CDH10: variants seen among roughly 807,000 people sequenced by gnomAD.
CDH10 encodes cadherin-10.
CDH10 carries 30 observed loss-of-function variants against 73.1 expected under a neutral mutation model. The observed-to-expected ratio is 0.41, with a 90% CI of 0.31 to 0.56. The LOEUF (loss-of-function observed/expected upper bound fraction) is 0.56. CDH10 is among the 20% of genes least tolerant of loss of function. The pLI, the probability that CDH10 is intolerant of heterozygous loss-of-function variation, is 0.27. For missense variants in CDH10, 815 were observed against 973.7 expected, an observed-to-expected ratio of 0.84 and a Z score of 2.17; for synonymous variants, 345 against 348.2, an observed-to-expected ratio of 0.99 and a Z score of 0.10.
chr5:24,495,691 C>A (rs1484516794), intron 9 of CDH10, among the ~76,000 whole-genome samples: 5 of 151,602 alleles, frequency 3.3e-5, no homozygotes, highest in African/African-American at 1.2e-4. Flanking sequence ...TACTAAAATA[C>A]AAAAAATCAG....
At chr5:24,505,428 A>C (rs767303318) in intron 7 of CDH10, among the ~76,000 whole-genome samples, 180 bp from the exon 8 acceptor site, 1 of 152,222 alleles carries the variant, frequency 6.6e-6, no homozygotes, top group Non-Finnish European at 1.5e-5. Context: ...TCCTCAAGGC[A>C]TAAATTGGTA....
chr5:24,582,653 G>T (rs1231689498), intron 2 of CDH10, among the ~76,000 whole-genome samples: 1 of 151,962 alleles, frequency 6.6e-6, no homozygotes, highest in Non-Finnish European at 1.5e-5. Flanking sequence ...AAACATAAAG[G>T]TCAATTAATA....
chr5:24,626,382 C>A (rs1261979868), intron 1 of CDH10, among the ~76,000 whole-genome samples: 1 of 151,900 alleles, frequency 6.6e-6, no homozygotes, highest in Non-Finnish European at 1.5e-5. Context: ...TTATCTGTTC[C>A]TTTTTCAGAG....
intron 1 of CDH10, among the ~76,000 whole-genome samples, chr5:24,611,500 A>G (rs1746949364): frequency 6.6e-6 from 1 of 152,216 alleles, no homozygotes; most frequent in Non-Finnish European, 1.5e-5. Flanking sequence ...TAGACTGTTC[A>G]TAACTTGTAA....
intron 2 of CDH10, among the ~76,000 whole-genome samples, chr5:24,584,464 T>TTTTTTTATTG (rs753863495): frequency 1.8e-5 from 1 of 55,446 alleles, no homozygotes. Flanking sequence ...TTTTTTTTTT[T>TTTTTTTATTG]TGTGTGTGTG....
At chr5:24,537,703 T>C (rs1744010104) in intron 2 of CDH10, 29 bp from the exon 3 acceptor site, 1 of 1,413,744 alleles carries the variant, frequency 7.1e-7, no homozygotes, top group Non-Finnish European at 9.8e-7. Context: ...AGTATATCCA[T>C]GATCATGTAT....
At chr5:24,545,000 T>A (rs981287625) in intron 2 of CDH10, among the ~76,000 whole-genome samples, 6 of 152,206 alleles carry the variant, frequency 3.9e-5, no homozygotes, top group African/African-American at 1.4e-4. Flanking sequence ...GTCAACAATT[T>A]AAGTACTTAA....
chr5:24,512,896 T>G (rs543735652), intron 5 of CDH10, among the ~76,000 whole-genome samples: 162 of 116,190 alleles, frequency 1.4e-3, no homozygotes, highest in African/African-American at 4.8e-3. Context: ...CATTTTGCAT[T>G]TAGTCACTTC....
At chr5:24,583,613 AAT>A (rs1218253875) in intron 2 of CDH10, among the ~76,000 whole-genome samples, 1 of 152,180 alleles carries the variant, frequency 6.6e-6, no homozygotes, top group Non-Finnish European at 1.5e-5. Context: ...TTGATGTGGT[AAT>A]ATATATTAAT....
intron 8 of CDH10, among the ~76,000 whole-genome samples, chr5:24,503,308 T>A (rs1210654269): frequency 6.6e-6 from 1 of 152,214 alleles, no homozygotes; most frequent in Non-Finnish European, 1.5e-5. Context: ...CCCTAATTAA[T>A]GCTTATTTTA....
chr5:24,556,817 A>C (rs2111973389), intron 2 of CDH10, among the ~76,000 whole-genome samples: 1 of 151,972 alleles, frequency 6.6e-6, no homozygotes, highest in African/African-American at 2.4e-5. Flanking sequence ...TATATATAAT[A>C]AAGTTAATTG....
intron 2 of CDH10, among the ~76,000 whole-genome samples, chr5:24,538,493 C>T (rs1744039772): frequency 6.6e-6 from 1 of 152,072 alleles, no homozygotes. Context: ...AAGAGCTTTG[C>T]ATGCCTTCAT....
At chr5:24,492,972 G>T (rs1742117928) in intron 9 of CDH10, 47 bp from the exon 10 acceptor site, 2 of 768,660 alleles carry the variant, frequency 2.6e-6, no homozygotes, top group South Asian at 1.5e-5. Flanking sequence ...TCTTATCCAT[G>T]GGTATAATCT....
At chr5:24,515,598 CTT>C (rs1317949415) in intron 5 of CDH10, among the ~76,000 whole-genome samples, 1 of 152,186 alleles carries the variant, frequency 6.6e-6, no homozygotes, top group African/African-American at 2.4e-5. Flanking sequence ...AAATTCCTGA[CTT>C]TGTTCAAATT....
intron 4 of CDH10, 152 bp from the exon 5 acceptor site, chr5:24,535,431 C>T: frequency 1.2e-6 from 1 of 804,160 alleles, no homozygotes; most frequent in Non-Finnish European, 1.9e-6. Flanking sequence ...AAAAGTGATT[C>T]TGCGGAAATA....
At chr5:24,617,904 G>A (rs986017939) in intron 1 of CDH10, among the ~76,000 whole-genome samples, 1 of 152,138 alleles carries the variant, frequency 6.6e-6, no homozygotes, top group East Asian at 1.9e-4. Flanking sequence ...AAAGCCATAC[G>A]GTTTTAGAAT....
chr5:24,613,708 G>C (rs1445816675), intron 1 of CDH10, among the ~76,000 whole-genome samples: 1 of 152,032 alleles, frequency 6.6e-6, no homozygotes, highest in African/African-American at 2.4e-5. Context: ...TGAATTAATG[G>C]TCACTGAAGA....
intron 2 of CDH10, among the ~76,000 whole-genome samples, chr5:24,563,231 T>C (rs1415196208): frequency 2.0e-5 from 3 of 152,166 alleles, no homozygotes; most frequent in African/African-American, 7.2e-5. Flanking sequence ...CTGTTGTATC[T>C]ACCTCAATTT....
intron 2 of CDH10, among the ~76,000 whole-genome samples, chr5:24,588,455 T>C (rs1746093079): frequency 6.6e-6 from 1 of 152,312 alleles, no homozygotes; most frequent in East Asian, 1.9e-4. Context: ...TCAAGAACAG[T>C]CTCATTTCAG....
Sources: allele counts gnomAD v4.1 joint callset (sites outside exome capture counted in the v4.1 genomes callset), GRCh38; gene constraint gnomAD v4.1.1; transcripts MANE v1.5; gene names NCBI Gene and HGNC (gene_info 2026-07-23, HGNC 2026-07-21).